Variants in DOK6 observed in about 807,000 individuals in gnomAD.
The protein encoded by DOK6 is docking protein 6.
A neutral mutation model predicts 44.0 loss-of-function variants in DOK6; 22 were observed. The ratio of observed to expected loss-of-function variants is 0.50; its 90% confidence interval spans 0.36 to 0.71. The LOEUF is 0.71. Among genes scored for constraint, DOK6 ranks in the 30% least tolerant of loss-of-function variants. The pLI is 0.00. For synonymous variants in DOK6, 166 were observed against 145.5 expected (o/e 1.14, Z -1.01); for missense variants, 340 against 416.4 (o/e 0.82, Z 1.60).
At chr18:69,712,244 G>A (rs1321979905) in intron 5 of DOK6, among the ~76,000 whole-genome samples, 20 of 109,470 alleles carry the variant, frequency 1.8e-4, no homozygotes, top group African/African-American at 7.1e-4. Context: ...TCCCGCCACT[G>A]CACTCCAGCC....
At chr18:69,774,633 G>A (rs1352042818) in intron 7 of DOK6, among the ~76,000 whole-genome samples, 1 of 151,962 alleles carries the variant, frequency 6.6e-6, no homozygotes, top group Non-Finnish European at 1.5e-5. Flanking sequence ...CAGAGAAAAT[G>A]AGAGAGTTGT....
intron 1 of DOK6, among the ~76,000 whole-genome samples, chr18:69,406,950 C>T (rs1376843116): frequency 6.6e-6 from 1 of 152,002 alleles, no homozygotes; most frequent in Admixed American, 6.6e-5. Context: ...GTGCAGAGGC[C>T]AGCGCCTGTA....
chr18:69,455,992 G>A (rs1232530304), intron 1 of DOK6, among the ~76,000 whole-genome samples: 1 of 151,878 alleles, frequency 6.6e-6, no homozygotes, highest in Non-Finnish European at 1.5e-5. Flanking sequence ...TTTAAAAGAG[G>A]GATTAAAGAC....
chr18:69,556,290 G>A (rs926718184), intron 1 of DOK6, among the ~76,000 whole-genome samples: 2 of 151,902 alleles, frequency 1.3e-5, no homozygotes, highest in Non-Finnish European at 2.9e-5. Flanking sequence ...CCCACATCAG[G>A]GTATTTACCT....
intron 3 of DOK6, among the ~76,000 whole-genome samples, chr18:69,609,839 A>G (rs2144629736): frequency 6.6e-6 from 1 of 152,364 alleles, no homozygotes; most frequent in African/African-American, 2.4e-5. Flanking sequence ...AGTATTATTC[A>G]ATCTTTAAAA....
At chr18:69,573,470 CA>C (rs1983166025) in intron 2 of DOK6, among the ~76,000 whole-genome samples, 1 of 151,872 alleles carries the variant, frequency 6.6e-6, no homozygotes, top group Non-Finnish European at 1.5e-5. Flanking sequence ...ACTTTCCTTT[CA>C]TAGCATTGGA....
chr18:69,717,435 G>T, intron 5 of DOK6, among the ~76,000 whole-genome samples: 1 of 152,180 alleles, frequency 6.6e-6, no homozygotes, highest in East Asian at 1.9e-4. Flanking sequence ...TGCTTAGAGC[G>T]CATGGGTGAT....
intron 1 of DOK6, among the ~76,000 whole-genome samples, chr18:69,496,428 G>T (rs547857376): frequency 1.2e-3 from 177 of 152,336 alleles, no homozygotes; most frequent in Non-Finnish European, 2.1e-3. Flanking sequence ...GGGGCTTCCC[G>T]GCTGCAGCTG....
chr18:69,670,510 A>T (rs1244990060), intron 3 of DOK6, among the ~76,000 whole-genome samples: 1 of 137,106 alleles, frequency 7.3e-6, no homozygotes, highest in South Asian at 2.3e-4. Context: ...TTGTGCATCA[A>T]TTTTTTTTTT....
At chr18:69,606,118 A>G (rs1456945205) in intron 3 of DOK6, among the ~76,000 whole-genome samples, 1 of 151,726 alleles carries the variant, frequency 6.6e-6, no homozygotes, top group Non-Finnish European at 1.5e-5. Context: ...CTAAAATACA[A>G]AAAATTAGCC....
chr18:69,755,075 A>G (rs2144752133), intron 6 of DOK6, among the ~76,000 whole-genome samples: 1 of 152,318 alleles, frequency 6.6e-6, no homozygotes, highest in Non-Finnish European at 1.5e-5. Flanking sequence ...AAATTATGGA[A>G]GTAGAATAAG....
intron 4 of DOK6, among the ~76,000 whole-genome samples, chr18:69,682,762 A>G (rs976336562): frequency 2.0e-5 from 3 of 152,240 alleles, no homozygotes; most frequent in African/African-American, 7.2e-5. Context: ...CATCTCAGGT[A>G]TAATAAAAAA....
intron 4 of DOK6, among the ~76,000 whole-genome samples, chr18:69,681,446 A>G (rs1986042129): frequency 6.6e-6 from 1 of 152,218 alleles, no homozygotes; most frequent in Non-Finnish European, 1.5e-5. Flanking sequence ...CTTTGCTGTA[A>G]TCATCTTTAT....
chr18:69,403,790 CA>C (rs1376761010), intron 1 of DOK6, among the ~76,000 whole-genome samples: 3 of 152,010 alleles, frequency 2.0e-5, no homozygotes, highest in African/African-American at 7.3e-5. Context: ...TAAAACTAAG[CA>C]AATATTGTGT....
chr18:69,455,174 AGAAAAG>A (rs1979597540), intron 1 of DOK6, among the ~76,000 whole-genome samples: 1 of 125,234 alleles, frequency 8.0e-6, no homozygotes. Flanking sequence ...AAAAAAAAAA[AGAAAAG>A]AAAAAGAAAA....
chr18:69,401,326 G>C lies in DOK6; in HGVS notation c.66+16G>C. 6.6e-7 allele frequency: 1 copy of C among 1,510,478 alleles called. No homozygotes were observed. Among genetic ancestry groups the C allele is most frequent in the Non-Finnish European group, 8.9e-7 (1 of 1,128,064 alleles). The allele number at this position is 1,510,478 out of a possible 1,614,324, so 93.6% of individuals were successfully genotyped here. ...GAAGCTTGGGGTGAGTGGCTCGCTC[G>C]GCTTGCTCCTTCCCCGGCGCTCGTT... On this transcript the variant is annotated intron_variant, in intron 1 of 7. Transcript: ENST00000382713.
At chr18:69,571,489 A>C (rs1156386877) in intron 2 of DOK6, among the ~76,000 whole-genome samples, 1 of 152,090 alleles carries the variant, frequency 6.6e-6, no homozygotes, top group Non-Finnish European at 1.5e-5. Flanking sequence ...CTGTCTACAA[A>C]AGATGCACAT....
At chr18:69,714,855 A>T (rs930589895) in intron 5 of DOK6, among the ~76,000 whole-genome samples, 1 of 152,332 alleles carries the variant, frequency 6.6e-6, no homozygotes, top group East Asian at 1.9e-4. Flanking sequence ...TTATACTTTC[A>T]TTGACTCAGA....
chr18:69,824,762 T>C (rs1981691445), intron 7 of DOK6, among the ~76,000 whole-genome samples: 2 of 152,148 alleles, frequency 1.3e-5, no homozygotes, highest in South Asian at 4.1e-4. Context: ...AACACCCAAA[T>C]GGTATTTATT....
Sources: allele counts gnomAD v4.1 joint callset (sites outside exome capture counted in the v4.1 genomes callset), GRCh38; gene constraint gnomAD v4.1.1; transcripts MANE v1.5; gene names NCBI Gene and HGNC (gene_info 2026-07-23, HGNC 2026-07-21).